Variants in IL17D observed in about 807,000 individuals in gnomAD.
IL17D encodes the protein interleukin-17D.
In IL17D, 10 loss-of-function variants were observed where a neutral mutation model predicts 5.7. The ratio of observed to expected loss-of-function variants is 1.75; its 90% CI spans 1.08 to 2.97. IL17D has a LOEUF of 2.97. Among genes scored for constraint, IL17D ranks in the 30% most tolerant of loss-of-function variants. IL17D has a pLI of 0.00. For missense variants in IL17D, 354 were observed against 292.7 expected (o/e 1.21, Z -1.53); for synonymous variants, 172 against 141.7 (o/e 1.21, Z -1.52).
At chr13:20,703,182 G>C (rs768878304), upstream of IL17D, 7 of 700,260 alleles carry the variant, frequency 1.0e-5, no homozygotes, top group Non-Finnish European at 1.2e-5. Flanking sequence ...CCCAGGCCCT[G>C]GGCGCCCCGC....
At chr13:20,710,627 C>CT (rs2058628549) in intron 1 of IL17D, among the ~76,000 whole-genome samples, 1 of 28,530 alleles carries the variant, frequency 3.5e-5, no homozygotes, top group Non-Finnish European at 8.4e-5. Context: ...AAAACTCTGT[C>CT]TAAAAAAAAA....
Position 20,722,113 on chromosome 13 carries a change from T to G in IL17D, c.*159T>G. 1 of 600,206 alleles carries G rather than the reference T, an allele frequency of 1.7e-6. No homozygotes were observed. The highest frequency in any genetic ancestry group is 2.3e-5 in the South Asian group (1 of 44,262). 37.2% of individuals were successfully genotyped at this position (600,206 alleles called of 1,614,324 possible). A position where few individuals can be genotyped will look rare whatever the true frequency, so the allele number is the denominator to read the frequency against. The stretch of plus-strand genomic sequence containing the variant: ...CTTTCCATGGAGACTCGTAAGCAGC[T>G]TCATCTGACACGGGCATCCCTGGCT... On this transcript the variant is annotated 3_prime_UTR_variant, in exon 2 of 2. Coordinates refer to ENST00000682841, the MANE Select transcript of IL17D (RefSeq NM_001385224.1).
At chr13:20,704,388 G>A (rs1272146722) in intron 1 of IL17D, 97 bp downstream of exon 1, 25 of 254,634 alleles carry the variant, frequency 9.8e-5, no homozygotes, top group Non-Finnish European at 1.2e-4. Context: ...GGGCAGGCGG[G>A]GAGGGTGGGG....
chr13:20,711,549 G>A (rs2058637928), intron 1 of IL17D, among the ~76,000 whole-genome samples: 1 of 152,176 alleles, frequency 6.6e-6, no homozygotes, highest in Non-Finnish European at 1.5e-5. Flanking sequence ...CCATAGCAGA[G>A]AGTAAAGGAG....
Position 20,704,119 on chromosome 13 carries a change from G to T in IL17D, c.118G>T (p.Glu40Ter). 2 of 1,313,010 alleles carry T rather than the reference G, an allele frequency of 1.5e-6. No individual in the cohort carries two copies. The highest frequency in any genetic ancestry group is 3.3e-5 in the South Asian group (2 of 59,778). The allele number at this position is 1,313,010 out of a possible 1,614,324, so 81.3% of individuals were successfully genotyped here. ...CGCGGACCGGCCGGAGGAGCTACTGGAGCAGCTGTACGGGCGCCTGGCGGC... is the reference window on the plus strand; with the variant it reads ...CGCGGACCGGCCGGAGGAGCTACTGTAGCAGCTGTACGGGCGCCTGGCGGC... Reference protein sequence around the residue: ...GCADRPEELLEQLYGRLAAGV... With the variant: ...GCADRPEELL The change falls in exon 1 of 2, where the codon GAG (glutamate) becomes TAG (stop). Residue 40 changes from glutamate to a stop codon, truncating the protein, a stop_gained. Transcript: ENST00000682841. LOFTEE classifies it high-confidence loss of function.
chr13:20,711,629 G>C (rs555329178), intron 1 of IL17D, among the ~76,000 whole-genome samples: 1 of 152,308 alleles, frequency 6.6e-6, no homozygotes, highest in South Asian at 2.1e-4. Flanking sequence ...AACGGCATTC[G>C]AAGAGGCCAT....
Position 20,704,048 on chromosome 13 carries a change from CGGGCGCCCCGA to C in IL17D, c.53_63del (p.Ala18GlyfsTer43). 1 of 1,056,694 alleles carries C rather than the reference CGGGCGCCCCGA, an allele frequency of 9.5e-7. No homozygotes were observed. Among genetic ancestry groups the C allele is most frequent in the Non-Finnish European group, 1.1e-6 (1 of 880,736 alleles). 65.5% of individuals were successfully genotyped at this position (1,056,694 alleles called of 1,614,324 possible). ...CTGGCGCTGCCGCCGAGCTGGGCCG[CGGGCGCCCCGA>C]GGGCGGGCAGGCGCCCCGCGCGGCC... On this transcript the variant is annotated frameshift_variant, in exon 1 of 2. Coordinates refer to ENST00000682841, the MANE Select transcript of IL17D (RefSeq NM_001385224.1). LOFTEE classifies it high-confidence loss of function.
chr13:20,709,554 C>T (rs568129638), intron 1 of IL17D, among the ~76,000 whole-genome samples: 10 of 152,234 alleles, frequency 6.6e-5, no homozygotes, highest in African/African-American at 2.2e-4. Context: ...GAAAATATGA[C>T]GTAATATGTA....
intron 1 of IL17D, among the ~76,000 whole-genome samples, chr13:20,718,688 T>TCACA (rs1435697367): frequency 4.5e-4 from 14 of 31,106 alleles, no homozygotes; most frequent in Non-Finnish European, 8.6e-4. Flanking sequence ...ACCTGCCCAC[T>TCACA]TACACGCCCA....
intron 1 of IL17D, among the ~76,000 whole-genome samples, chr13:20,714,662 G>A (rs1054776303): frequency 5.9e-5 from 9 of 152,226 alleles, no homozygotes; most frequent in African/African-American, 1.9e-4. Context: ...AGGACTGACC[G>A]CTAGTTCTCC....
intron 1 of IL17D, among the ~76,000 whole-genome samples, chr13:20,707,701 T>A (rs2058601448): frequency 6.6e-6 from 1 of 152,102 alleles, no homozygotes; most frequent in Non-Finnish European, 1.5e-5. Context: ...TTTTGTTTTG[T>A]TTTTTAGAGA....
chr13:20,721,662 C>G lies in IL17D; in HGVS notation c.317C>G (p.Pro106Arg), dbSNP rs758009198. 3 of 1,606,184 alleles carry G rather than the reference C, an allele frequency of 1.9e-6. No homozygotes were observed. The highest frequency in any genetic ancestry group is 2.6e-6 in the Non-Finnish European group (3 of 1,175,584). ...ATCTCCTACGACCCGGCGAGGTACC[C>G]CAGGTACCTGCCTGAAGCCTACTGC... Reference protein sequence around the residue: ...YRISYDPARYPRYLPEAYCLC... With the variant: ...YRISYDPARYRRYLPEAYCLC... Residue 106 changes from proline to arginine, a missense_variant, in exon 2 of 2, where the codon CCC becomes CGC. Coordinates refer to ENST00000682841, the MANE Select transcript of IL17D (RefSeq NM_001385224.1).
At chr13:20,712,989 C>T (rs1442531418) in intron 1 of IL17D, 1 of 150,400 alleles carries the variant, frequency 6.6e-6, no homozygotes, top group African/African-American at 2.5e-5. Context: ...TCCTTCCTTC[C>T]TTCCTCCCTC....
At position 20,722,691 on chromosome 13, in the gene IL17D, C is replaced by A. The variant is rs1246049725; in HGVS notation, c.*737C>A. On this transcript the variant is annotated 3_prime_UTR_variant, in exon 2 of 2. Coordinates refer to ENST00000682841, the MANE Select transcript of IL17D (RefSeq NM_001385224.1). ...AGGGATGCACAGGCGGCTCGCATGCCCCAGGGCCAGCTAAGAGTTCCAAAG... is the reference window on the plus strand; with the variant it reads ...AGGGATGCACAGGCGGCTCGCATGCACCAGGGCCAGCTAAGAGTTCCAAAG... 6.6e-6 allele frequency: 1 copy of A among 152,214 alleles called. No individual in the cohort carries two copies. The highest frequency in any genetic ancestry group is 1.5e-5 in the Non-Finnish European group (1 of 68,050). The allele number at this position is 152,214 out of a possible 1,614,324, so 9.4% of individuals were successfully genotyped here. A position where few individuals can be genotyped will look rare whatever the true frequency, so the allele number is the denominator to read the frequency against.
In IL17D at chr13:20,722,856, T is replaced by C. The variant is rs898728198; in HGVS notation, c.*902T>C. 5 of 152,212 alleles carry C rather than the reference T, an allele frequency of 3.3e-5. No homozygotes were observed. The allele number at this position is 152,212 out of a possible 1,614,324, so 9.4% of individuals were successfully genotyped here. On this transcript the variant is annotated 3_prime_UTR_variant, in exon 2 of 2. Coordinates refer to ENST00000682841, the MANE Select transcript of IL17D (RefSeq NM_001385224.1). ...AGTGGAACGTGACATCTTTGCCAGT[T>C]GTCAGAAGAATCCAAGCAGGTATTG...
intron 1 of IL17D, among the ~76,000 whole-genome samples, chr13:20,705,969 G>A (rs2058589232): frequency 6.6e-6 from 1 of 152,216 alleles, no homozygotes; most frequent in African/African-American, 2.4e-5. Flanking sequence ...CTTTCCTGGA[G>A]CCTCTCCCTG....
At chr13:20,718,065 C>T (rs894088401) in intron 1 of IL17D, among the ~76,000 whole-genome samples, 3 of 152,132 alleles carry the variant, frequency 2.0e-5, no homozygotes, top group Non-Finnish European at 4.4e-5. Context: ...ACGTCACTCA[C>T]CCCACCCGTG....
chr13:20,701,649 C>T (rs2058548926), upstream of IL17D: 1 of 152,108 alleles, frequency 6.6e-6, no homozygotes, highest in African/African-American at 2.4e-5. Context: ...GATGAGCCTG[C>T]TTTTGAGTAT....
chr13:20,705,312 G>T (rs548739316), intron 1 of IL17D, among the ~76,000 whole-genome samples: 1 of 151,950 alleles, frequency 6.6e-6, no homozygotes, highest in African/African-American at 2.4e-5. Flanking sequence ...AGGCGAGCGG[G>T]GGCGGTGGGG....
Sources: gnomAD v4.1 joint callset for allele counts (sites outside exome capture counted in the v4.1 genomes callset) on GRCh38, gnomAD v4.1.1 for gene constraint, MANE v1.5 for transcripts, NCBI Gene and HGNC (gene_info 2026-07-23, HGNC 2026-07-21) for gene names.